Variants in MND1 observed in about 807,000 individuals in gnomAD.
MND1 encodes the protein meiotic nuclear division protein 1 homolog.
Under a neutral mutation model 35.1 loss-of-function variants are expected in MND1, and 28 were observed. The observed-to-expected ratio is 0.80, with a 90% CI of 0.59 to 1.09. The LOEUF (loss-of-function observed/expected upper bound fraction) is 1.09. MND1 is among the 50% of genes least tolerant of loss of function. The pLI, the probability that MND1 is intolerant of heterozygous loss-of-function variation, is 0.00. For synonymous variants in MND1, 69 were observed against 70.5 expected, an observed-to-expected ratio of 0.98 and a Z score of 0.11; for missense variants, 213 against 239.6, an observed-to-expected ratio of 0.89 and a Z score of 0.73.
At chr4:153,381,692 A>ATTTTTTT (rs765943574) in intron 4 of MND1, 4 of 17,476 alleles carry the variant, frequency 2.3e-4, no homozygotes, top group Admixed American at 1.2e-3. Flanking sequence ...ATATATATAT[A>ATTTTTTT]TTTTTTTTTT....
chr4:153,374,932 GT>G (rs758005475), intron 4 of MND1, among the ~76,000 whole-genome samples: 5 of 152,042 alleles, frequency 3.3e-5, no homozygotes, highest in Non-Finnish European at 7.4e-5. Context: ...GCTGTGCTAA[GT>G]TTTTTGGGCA....
chr4:153,382,555 A>C (rs575259064), intron 4 of MND1, among the ~76,000 whole-genome samples: 1 of 152,336 alleles, frequency 6.6e-6, no homozygotes, highest in Admixed American at 6.5e-5. Flanking sequence ...AAAAGATAAA[A>C]GCCTTTATGG....
At chr4:153,367,925 A>T (rs998760285) in intron 4 of MND1, among the ~76,000 whole-genome samples, 2 of 152,134 alleles carry the variant, frequency 1.3e-5, no homozygotes, top group African/African-American at 4.8e-5. Flanking sequence ...CATTTCTCTG[A>T]TGACTGGTGA....
chr4:153,402,030 C>A (rs1729358634), intron 6 of MND1, among the ~76,000 whole-genome samples: 1 of 152,108 alleles, frequency 6.6e-6, no homozygotes, highest in Non-Finnish European at 1.5e-5. Flanking sequence ...TGACACACAC[C>A]TGTAATCCCA....
chr4:153,375,688 T>G (rs1728483613), intron 4 of MND1, among the ~76,000 whole-genome samples: 1 of 152,162 alleles, frequency 6.6e-6, no homozygotes, highest in African/African-American at 2.4e-5. Flanking sequence ...AGAATGTTTT[T>G]ATATTCTTTT....
At chr4:153,387,815 T>C (rs1348826654) in intron 4 of MND1, among the ~76,000 whole-genome samples, 1 of 151,620 alleles carries the variant, frequency 6.6e-6, no homozygotes, top group Non-Finnish European at 1.5e-5. Context: ...TTTTTCTTTT[T>C]AAAGCAGAAT....
At chr4:153,384,268 T>TC (rs1432771536) in intron 4 of MND1, among the ~76,000 whole-genome samples, 1 of 133,804 alleles carries the variant, frequency 7.5e-6, no homozygotes, top group East Asian at 2.4e-4. Context: ...CTTTTTTTTT[T>TC]TTTTTTTTTT....
At chr4:153,360,280 T>C (rs1773449647) in intron 4 of MND1, among the ~76,000 whole-genome samples, 1 of 152,214 alleles carries the variant, frequency 6.6e-6, no homozygotes, top group Non-Finnish European at 1.5e-5. Context: ...TATCTTTTCA[T>C]TATCTCAACA....
intron 5 of MND1, among the ~76,000 whole-genome samples, chr4:153,396,783 A>G (rs1259510494): frequency 1.3e-5 from 2 of 152,252 alleles, no homozygotes; most frequent in African/African-American, 4.8e-5. Context: ...ATTCTTAAAA[A>G]TTGAAAAATT....
At chr4:153,353,236 T>G (rs1374639647) in intron 2 of MND1, among the ~76,000 whole-genome samples, 1 of 151,838 alleles carries the variant, frequency 6.6e-6, no homozygotes, top group Non-Finnish European at 1.5e-5. Context: ...GTTCAATGAC[T>G]TAATATTTTC....
At chr4:153,404,667 CG>C (rs1481311649) in intron 6 of MND1, among the ~76,000 whole-genome samples, 5 of 150,826 alleles carry the variant, frequency 3.3e-5, no homozygotes, top group African/African-American at 1.2e-4. Flanking sequence ...TTAGTAGAAA[CG>C]GGGTTTCGCC....
At chr4:153,373,201 A>G (rs144843209) in intron 4 of MND1, among the ~76,000 whole-genome samples, 3 of 152,220 alleles carry the variant, frequency 2.0e-5, no homozygotes, top group Admixed American at 6.5e-5. Flanking sequence ...TTACCTATGT[A>G]GTTATGTTAA....
intron 6 of MND1, among the ~76,000 whole-genome samples, chr4:153,399,822 T>A (rs991179755): frequency 1.3e-5 from 2 of 151,784 alleles, no homozygotes; most frequent in African/African-American, 4.8e-5. Context: ...GAATGAGTAT[T>A]ATGAGTATTA....
chr4:153,395,518 CTT>C (rs1579945248), intron 5 of MND1, among the ~76,000 whole-genome samples: 1 of 152,212 alleles, frequency 6.6e-6, no homozygotes, highest in African/African-American at 2.4e-5. Flanking sequence ...CCAGCCAGGA[CTT>C]TTCAGAGCTA....
intron 5 of MND1, among the ~76,000 whole-genome samples, chr4:153,395,101 A>G (rs1442717953): frequency 1.3e-5 from 2 of 152,226 alleles, no homozygotes; most frequent in East Asian, 3.8e-4. Flanking sequence ...TATGCTTTCA[A>G]AGTTATTTCA....
chr4:153,356,552 C>CAAAAAAAAA (rs34763120), intron 3 of MND1, among the ~76,000 whole-genome samples: 2 of 60,042 alleles, frequency 3.3e-5, no homozygotes, highest in Non-Finnish European at 5.7e-5. Flanking sequence ...AACTCAGTCT[C>CAAAAAAAAA]AAAAAAAAAA....
rs1415399946 is a variant in MND1, at chr4:153,414,933, G to A, written c.*76G>A. On this transcript the variant is annotated 3_prime_UTR_variant, in exon 8 of 8. Transcript: ENST00000240488. ...AAACTATTATCTAACTAAGTGTACT[G>A]AATTGTCGTTTGCCTGTAACTGTGT... 4 of 604,346 alleles carry A rather than the reference G, an allele frequency of 6.6e-6. No homozygotes were observed. The highest frequency in any genetic ancestry group is 1.1e-5 in the Non-Finnish European group (4 of 355,416). 37.4% of individuals were successfully genotyped at this position (604,346 alleles called of 1,614,324 possible). A position where few individuals can be genotyped will look rare whatever the true frequency, so the allele number is the denominator to read the frequency against.
intron 4 of MND1, among the ~76,000 whole-genome samples, chr4:153,384,258 CTTTTTTT>C (rs35214226): frequency 8.9e-4 from 49 of 55,366 alleles, no homozygotes; most frequent in Non-Finnish European, 1.4e-3. Flanking sequence ...CTACTTTCTG[CTTTTTTT>C]TTTTTTTTTT....
intron 6 of MND1, among the ~76,000 whole-genome samples, chr4:153,402,742 A>G (rs1729377203): frequency 2.0e-5 from 3 of 152,212 alleles, no homozygotes; most frequent in Non-Finnish European, 2.9e-5. Flanking sequence ...GGTATGCCCA[A>G]TGCTAAAATC....
Sources: gnomAD v4.1 joint callset for allele counts (sites outside exome capture counted in the v4.1 genomes callset) on GRCh38, gnomAD v4.1.1 for gene constraint, MANE v1.5 for transcripts, NCBI Gene and HGNC (gene_info 2026-07-23, HGNC 2026-07-21) for gene names.